The following TBX2 variants were observed in gnomAD, a reference collection of about 807,000 sequenced individuals.
TBX2 encodes T-box transcription factor 2.
A neutral mutation model predicts 48.4 loss-of-function variants in TBX2; 19 were observed. The ratio of observed to expected loss-of-function variants is 0.39; its 90% CI spans 0.27 to 0.58. The LOEUF is 0.58. TBX2 is among the 20% of genes least tolerant of loss of function. The pLI, the probability that TBX2 is intolerant of heterozygous loss-of-function variation, is 0.54. For missense variants in TBX2, 994 were observed against 1,006.5 expected (o/e 0.99, Z 0.17); for synonymous variants, 522 against 459.7 (o/e 1.14, Z -1.73).
rs1293245535 is a variant in TBX2 at position 61,409,212 on chromosome 17, A to G, written c.*706A>G. 6.6e-6 allele frequency: 1 copy of G among 152,626 alleles called. No homozygotes were observed. The highest frequency in any genetic ancestry group is 1.5e-5 in the Non-Finnish European group (1 of 68,046). The allele number at this position is 152,626 out of a possible 1,614,324, so 9.5% of individuals were successfully genotyped here. On this transcript the variant is annotated 3_prime_UTR_variant, in exon 7 of 7. Transcript: ENST00000240328. ...TACATATATTTAGAGATTAACTCAT[A>G]CATTTAAAGTTTTTTTCATTTTACG...
chr17:61,404,360 G>A (rs2060278456), intron 3 of TBX2, 61 bp from the exon 4 acceptor site: 2 of 1,525,722 alleles, frequency 1.3e-6, no homozygotes, highest in East Asian at 2.5e-5. Flanking sequence ...ACCTCGGGGT[G>A]CCACCGACCA....
rs751594450 is a variant in TBX2, at chr17:61,403,018, G to A, written c.664-43G>A. The A allele has an allele frequency of 6.4e-6, 10 of 1,574,146 alleles. No homozygotes were observed. The African/African-American group carries it at 1.3e-4, about 20-fold the overall frequency. On this transcript the variant is annotated intron_variant, in intron 2 of 6. Coordinates refer to ENST00000240328, the MANE Select transcript of TBX2 (RefSeq NM_005994.4). This position sits in a 1 kb window ranked among gnomAD's most constrained non-coding sequence, Gnocchi z 5.8. Reference sequence around the variant, plus strand: ...GTACCCAAAGAATAGAAAAGCTCGGGCCGGGGCTGGTGGCTGCCGGCTGAC... The same window carrying A: ...GTACCCAAAGAATAGAAAAGCTCGGACCGGGGCTGGTGGCTGCCGGCTGAC...
rs760711917 is a variant in TBX2 at position 61,408,141 on chromosome 17, G to A, written c.1774G>A (p.Ala592Thr). The A allele has an allele frequency of 1.6e-5, 26 of 1,611,092 alleles. No individual in the cohort carries two copies. The highest frequency in any genetic ancestry group is 1.5e-4 in the South Asian group (14 of 90,912). Residue 592 changes from alanine to threonine, a missense_variant, in exon 7 of 7, where the codon GCC becomes ACC. By Grantham distance (58) the Ala-to-Thr change is moderately conservative. This residue lies in a region of TBX2 where 639 missense variants were observed against 613.2 expected (regional missense o/e 1.04). Coordinates refer to ENST00000240328, the MANE Select transcript of TBX2 (RefSeq NM_005994.4). ...AAAAAASALP[A>T]TSAAAAAAAA... The stretch of plus-strand genomic sequence containing the variant: ...AGCCGCAGCCGCCTCGGCTTTGCCC[G>A]CCACTAGTGCTGCAGCTGCCGCCGC...
rs938458517 is a variant in TBX2, at chr17:61,400,317, G to C, written c.141G>C (p.Ala47=). 2 of 1,068,254 alleles carry C rather than the reference G, an allele frequency of 1.9e-6. No individual in the cohort carries two copies. The highest frequency in any genetic ancestry group is 2.3e-6 in the Non-Finnish European group (2 of 874,784). 66.2% of individuals were successfully genotyped at this position (1,068,254 alleles called of 1,614,324 possible). ...FFPALALPPG[A]LAKPLPDPGL... Reference sequence around the variant, plus strand: ...CGGCACTCGCGCTGCCGCCCGGCGCGCTGGCCAAGCCGCTGCCCGACCCGG... The same window carrying C: ...CGGCACTCGCGCTGCCGCCCGGCGCCCTGGCCAAGCCGCTGCCCGACCCGG... Residue 47 remains alanine (A), a synonymous_variant, in exon 1 of 7, where the codon GCG becomes GCC. Transcript: ENST00000240328. The surrounding 1 kb of genome is among the most constrained non-coding windows in gnomAD (Gnocchi z 9.2).
chr17:61,404,550 C>CA (rs745716557), intron 4 of TBX2, 53 bp downstream of exon 4: 84 of 1,590,600 alleles, frequency 5.3e-5, no homozygotes, highest in Non-Finnish European at 6.8e-5. Flanking sequence ...GAGCAGCGAG[C>CA]AGGAGGGATG....
chr17:61,405,739 C>T lies in TBX2; in HGVS notation c.1589C>T (p.Ala530Val). 1.5e-6 allele frequency: 2 copies of T among 1,350,890 alleles called. No individual in the cohort carries two copies. 83.7% of individuals were successfully genotyped at this position (1,350,890 alleles called of 1,614,324 possible). Residue 530 changes from alanine to valine, a missense_variant, in exon 6 of 7, where the codon GCG (alanine) becomes GTG (valine). Ala to Val is a moderately conservative substitution (Grantham distance 64, BLOSUM62 0). Coordinates refer to ENST00000240328, the MANE Select transcript of TBX2 (RefSeq NM_005994.4). ...NGGGGGPGTA[A>V]GLDAGGLGPA... ...GGAGGTGGCGGGCCTGGGACCGCCGCGGGGCTGGACGCAGGCGGGCTGGGT... is the reference window on the plus strand; with the variant it reads ...GGAGGTGGCGGGCCTGGGACCGCCGTGGGGCTGGACGCAGGCGGGCTGGGT...
intron 3 of TBX2, among the ~76,000 whole-genome samples, chr17:61,404,198 G>A (rs2060277939): frequency 6.6e-6 from 1 of 152,228 alleles, no homozygotes; most frequent in African/African-American, 2.4e-5. Flanking sequence ...GGCCTGTCTA[G>A]GGATAATTCC....
intron 5 of TBX2, 189 bp from the exon 6 acceptor site, chr17:61,405,013 C>G: frequency 1.5e-6 from 2 of 1,333,070 alleles, no homozygotes; most frequent in Non-Finnish European, 2.1e-6. Flanking sequence ...GTAGGGTTTC[C>G]TCTCCAGGGC....
rs372888108 is a variant in TBX2, at chr17:61,408,093, C to T, written c.1726C>T (p.Pro576Ser). ...MPTFGGLFPY[P>S]YTYMAAAAAA... ...CACTTTCGGAGGCCTCTTCCCCTAC[C>T]CCTACACCTACATGGCAGCAGCAGC... The change falls in exon 7 of 7, where the codon CCC (proline) becomes TCC (serine). Residue 576 changes from proline (P) to serine (S), a missense_variant. By Grantham distance (74) the Pro-to-Ser change is moderately conservative. Transcript: ENST00000240328. 6.2e-7 allele frequency: 1 copy of T among 1,609,404 alleles called. No homozygotes were observed. Among genetic ancestry groups the T allele is most frequent in the East Asian group, 2.2e-5 (1 of 44,788 alleles).
chr17:61,408,311 C>G lies in TBX2; in HGVS notation c.1944C>G (p.Ala648=). 1.2e-6 allele frequency: 2 copies of G among 1,611,652 alleles called. No individual in the cohort carries two copies. Among genetic ancestry groups the G allele is most frequent in the South Asian group, 2.2e-5 (2 of 90,914 alleles). Residue 648 remains alanine (A), a synonymous_variant, in exon 7 of 7, where the codon GCC becomes GCG. Transcript: ENST00000240328. ...TTGLASEGSK[A]AGGNSREPSP... is the part of the protein sequence containing the mutation. Reference sequence around the variant, plus strand: ...GGCTGGCCTCTGAGGGCTCCAAGGCCGCTGGTGGAAACAGCCGGGAGCCTA... The same window carrying G: ...GGCTGGCCTCTGAGGGCTCCAAGGCGGCTGGTGGAAACAGCCGGGAGCCTA...
At position 61,403,442 on chromosome 17, in the gene TBX2, G is replaced by A. The variant is rs1487264451; in HGVS notation, c.810+235G>A. On this transcript the variant is annotated intron_variant, in intron 3 of 6. Transcript: ENST00000240328. This position sits in a 1 kb window ranked among gnomAD's most constrained non-coding sequence, Gnocchi z 5.8. ...CTCCCCTGGGGCGAGCGAACAGCTGGGCCGTCGTTCTGATGGAGATGTTTA... is the reference window on the plus strand; with the variant it reads ...CTCCCCTGGGGCGAGCGAACAGCTGAGCCGTCGTTCTGATGGAGATGTTTA... Among the ~76,000 whole-genome samples the A allele has an allele frequency of 6.6e-6, 1 of 152,252 alleles. No homozygotes were observed. Among genetic ancestry groups the A allele is most frequent in the Non-Finnish European group, 1.5e-5 (1 of 68,050 alleles).
chr17:61,402,927 CGATAGAGAGAGAGAGAGAGA>C (rs1555876920), intron 2 of TBX2, 114 bp from the exon 3 acceptor site: 1 of 323,696 alleles, frequency 3.1e-6, no homozygotes, highest in Non-Finnish European at 4.5e-6. Flanking sequence ...GAGGAAGAAC[CGATAGAGAGAGAGAGAGAGA>C]GAGAGAGAGA....
Position 61,401,804 on chromosome 17 carries a change from G to A in TBX2, c.516G>A (p.Trp172Ter), listed in dbSNP as rs2060264864. Residue 172 changes from tryptophan (W) to a stop codon, truncating the protein, a stop_gained, in exon 2 of 7, where the codon TGG (tryptophan) becomes TGA (stop). Coordinates refer to ENST00000240328, the MANE Select transcript of TBX2 (RefSeq NM_005994.4). LOFTEE classifies it high-confidence loss of function. ...GCTATAAGTTCCACAACTCGCGCTG[G>A]ATGGTGGCGGGCAAGGCCGACCCTG... ...DCRYKFHNSR[W>*]MVAGKADPEM... The A allele has an allele frequency of 6.2e-7, 1 of 1,613,074 alleles. No homozygotes were observed. Among genetic ancestry groups the A allele is most frequent in the Non-Finnish European group, 8.5e-7 (1 of 1,180,038 alleles).
chr17:61,402,725 G>A (rs1267375140), intron 2 of TBX2, among the ~76,000 whole-genome samples: 1 of 151,712 alleles, frequency 6.6e-6, no homozygotes, highest in African/African-American at 2.4e-5. Flanking sequence ...GGGAGGGGTT[G>A]TTTTTTGGTT....
chr17:61,403,234 C>A lies in TBX2; in HGVS notation c.810+27C>A, dbSNP rs1219244039. ...TGCGCGCGGCGGGCGGTGGGCTAAG[C>A]CCCTGCACTGACGCCCCTCAACACG... On this transcript the variant is annotated intron_variant, in intron 3 of 6. Transcript: ENST00000240328. The surrounding 1 kb of genome is among the most constrained non-coding windows in gnomAD (Gnocchi z 5.8). 6.2e-7 allele frequency: 1 copy of A among 1,608,076 alleles called. No individual in the cohort carries two copies. The highest frequency in any genetic ancestry group is 1.3e-5 in the African/African-American group (1 of 74,842).
In TBX2 at chr17:61,400,023, T is replaced by C. The variant is rs965374979; in HGVS notation, c.-154T>C. Reference sequence around the variant, plus strand: ...CCCGCGCACAGAGCCGGGTGCCCCTTGCGGTGCGCCGGACGGGAAGCCCCG... The same window carrying C: ...CCCGCGCACAGAGCCGGGTGCCCCTCGCGGTGCGCCGGACGGGAAGCCCCG... On this transcript the variant is annotated 5_prime_UTR_variant, in exon 1 of 7. Coordinates refer to ENST00000240328, the MANE Select transcript of TBX2 (RefSeq NM_005994.4). The surrounding 1 kb of genome is among the most constrained non-coding windows in gnomAD (Gnocchi z 9.2). 1 of 226,320 alleles carries C rather than the reference T, an allele frequency of 4.4e-6. No homozygotes were observed. The highest frequency in any genetic ancestry group is 2.4e-5 in the African/African-American group (1 of 41,974). The allele number at this position is 226,320 out of a possible 1,614,324, so 14.0% of individuals were successfully genotyped here.
At position 61,403,325 on chromosome 17, in the gene TBX2, C is replaced by T; in HGVS notation, c.810+118C>T. ...TGCACGGGATCCGCGCTCTTGCGGC[C>T]CGCCCCCGAGCACCGAGCCTCGCAT... On this transcript the variant is annotated intron_variant, in intron 3 of 6. Coordinates refer to ENST00000240328, the MANE Select transcript of TBX2 (RefSeq NM_005994.4). This position sits in a 1 kb window ranked among gnomAD's most constrained non-coding sequence, Gnocchi z 5.8. 2.7e-6 allele frequency: 4 copies of T among 1,476,342 alleles called. No homozygotes were observed. Among genetic ancestry groups the T allele is most frequent in the Non-Finnish European group, 2.7e-6 (3 of 1,108,548 alleles). 91.5% of individuals were successfully genotyped at this position (1,476,342 alleles called of 1,614,324 possible). A position where few individuals can be genotyped will look rare whatever the true frequency, so the allele number is the denominator to read the frequency against.
rs1192753384 is a variant in TBX2, at chr17:61,404,390, T to C, written c.811-31T>C. Reference sequence around the variant, plus strand: ...CGACCACGCTGGAAGAGCCACGGCCTGACTTAGCGCCGCCCCCTTGGTCCC... The same window carrying C: ...CGACCACGCTGGAAGAGCCACGGCCCGACTTAGCGCCGCCCCCTTGGTCCC... On this transcript the variant is annotated intron_variant, in intron 3 of 6. Transcript: ENST00000240328. 5 of 1,578,622 alleles carry C rather than the reference T, an allele frequency of 3.2e-6. No individual in the cohort carries two copies. In the African/African-American group the frequency reaches 5.4e-5, roughly 17 times the overall value.
At position 61,403,308 on chromosome 17, in the gene TBX2, A is replaced by G. The variant is rs1024450011; in HGVS notation, c.810+101A>G. On this transcript the variant is annotated intron_variant, in intron 3 of 6. Coordinates refer to ENST00000240328, the MANE Select transcript of TBX2 (RefSeq NM_005994.4). This position sits in a 1 kb window ranked among gnomAD's most constrained non-coding sequence, Gnocchi z 5.8. ...CGCCCCTCGAAGCCCCCTGCACGGG[A>G]TCCGCGCTCTTGCGGCCCGCCCCCG... 6.6e-7 allele frequency: 1 copy of G among 1,522,988 alleles called. No individual in the cohort carries two copies. Among genetic ancestry groups the G allele is most frequent in the Non-Finnish European group, 8.8e-7 (1 of 1,141,806 alleles). 94.3% of individuals were successfully genotyped at this position (1,522,988 alleles called of 1,614,324 possible). A position where few individuals can be genotyped will look rare whatever the true frequency, so the allele number is the denominator to read the frequency against.
Sources: allele counts gnomAD v4.1 joint callset (sites outside exome capture counted in the v4.1 genomes callset), GRCh38; gene constraint gnomAD v4.1.1; regional missense constraint gnomAD v4.1.1; non-coding constraint Gnocchi (gnomAD v3.1); transcripts MANE v1.5; gene names NCBI Gene and HGNC (gene_info 2026-07-23, HGNC 2026-07-21).